The following UBE2R2 variants were observed in gnomAD, a reference collection of about 807,000 sequenced individuals.
UBE2R2 encodes the protein ubiquitin-conjugating enzyme E2 R2.
In UBE2R2, 1 loss-of-function variant was observed where a neutral mutation model predicts 27.8. The observed-to-expected ratio is 0.04, with a 90% CI of 0.01 to 0.17. The LOEUF is 0.17. Ranked by LOEUF, UBE2R2 falls within the 10% of genes least tolerant of loss-of-function variation. The pLI is 1.00. For missense variants in UBE2R2, 100 were observed against 291.0 expected, an observed-to-expected ratio of 0.34 and a Z score of 4.78; for synonymous variants, 106 against 113.3, an observed-to-expected ratio of 0.94 and a Z score of 0.41.
intron 1 of UBE2R2, among the ~76,000 whole-genome samples, chr9:33,884,694 T>C (rs1333453093): frequency 6.6e-6 from 1 of 152,198 alleles, no homozygotes; most frequent in Non-Finnish European, 1.5e-5. Flanking sequence ...TTGAAATGTT[T>C]AAAGGTTTAA....
intron 1 of UBE2R2, among the ~76,000 whole-genome samples, chr9:33,862,206 T>C (rs1374312673): frequency 6.6e-6 from 1 of 152,170 alleles, no homozygotes; most frequent in Non-Finnish European, 1.5e-5. Flanking sequence ...TCATTTGGTA[T>C]GATAAACAAC....
At chr9:33,843,629 C>T (rs1820778710) in intron 1 of UBE2R2, among the ~76,000 whole-genome samples, 1 of 151,922 alleles carries the variant, frequency 6.6e-6, no homozygotes, top group African/African-American at 2.4e-5. Context: ...TAGGCTCGCG[C>T]CACCACACCT....
At chr9:33,882,551 G>C (rs897214563) in intron 1 of UBE2R2, among the ~76,000 whole-genome samples, 4 of 152,210 alleles carry the variant, frequency 2.6e-5, no homozygotes, top group African/African-American at 9.7e-5. Flanking sequence ...CAAAAGTGCT[G>C]AGATTACAGG....
At chr9:33,897,701 C>CA (rs1292210618) in intron 2 of UBE2R2, among the ~76,000 whole-genome samples, 1 of 151,864 alleles carries the variant, frequency 6.6e-6, no homozygotes, top group African/African-American at 2.4e-5. Flanking sequence ...TCCTCAACAA[C>CA]AAAGCCTTTT....
Position 33,817,650 on chromosome 9 carries a change from G to A in UBE2R2, c.-108G>A. 2 of 1,135,720 alleles carry A rather than the reference G, an allele frequency of 1.8e-6. No individual in the cohort carries two copies. Among genetic ancestry groups the A allele is most frequent in the Non-Finnish European group, 2.2e-6 (2 of 928,410 alleles). The allele number at this position is 1,135,720 out of a possible 1,614,324, so 70.4% of individuals were successfully genotyped here. On this transcript the variant is annotated 5_prime_UTR_variant, in exon 1 of 5. Coordinates refer to ENST00000263228, the MANE Select transcript of UBE2R2 (RefSeq NM_017811.4). ...GCCGGGTGTGTGAAGACCGGGGCCC[G>A]GTGCTGCCCGGCCGGAGGGCGAGCG...
At chr9:33,913,556 C>T (rs953329708) in intron 4 of UBE2R2, among the ~76,000 whole-genome samples, 1 of 152,166 alleles carries the variant, frequency 6.6e-6, no homozygotes, top group Non-Finnish European at 1.5e-5. Context: ...GCCACCGTGC[C>T]TGGCCTCCAC....
At chr9:33,842,877 C>G (rs1265037054) in intron 1 of UBE2R2, among the ~76,000 whole-genome samples, 2 of 151,786 alleles carry the variant, frequency 1.3e-5, no homozygotes, top group African/African-American at 4.8e-5. Flanking sequence ...AATTTGAGCT[C>G]AGGAAATATA....
intron 1 of UBE2R2, among the ~76,000 whole-genome samples, chr9:33,846,123 CA>C (rs35915082): frequency 3.8e-4 from 51 of 135,272 alleles, no homozygotes; most frequent in East Asian, 6.4e-4. Context: ...GACTCCGTCT[CA>C]AAAAAAAAAA....
At chr9:33,860,738 A>C (rs907421645) in intron 1 of UBE2R2, among the ~76,000 whole-genome samples, 10 of 152,134 alleles carry the variant, frequency 6.6e-5, no homozygotes, top group South Asian at 4.2e-4. Flanking sequence ...CCATCTCTAC[A>C]AAAAAATTAA....
At chr9:33,857,596 G>A (rs2248085) in intron 1 of UBE2R2, among the ~76,000 whole-genome samples, 1 of 152,120 alleles carries the variant, frequency 6.6e-6, no homozygotes, top group Non-Finnish European at 1.5e-5. Flanking sequence ...GATTACAGGC[G>A]TGAGCCACCG....
chr9:33,897,122 C>T (rs1259359338), intron 2 of UBE2R2, among the ~76,000 whole-genome samples: 1 of 145,932 alleles, frequency 6.9e-6, no homozygotes, highest in Non-Finnish European at 1.5e-5. Context: ...CTGCAAGCTC[C>T]GCCTCCTGGG....
intron 1 of UBE2R2, among the ~76,000 whole-genome samples, chr9:33,843,311 A>T (rs1820771115): frequency 6.6e-6 from 1 of 151,584 alleles, no homozygotes; most frequent in Admixed American, 6.6e-5. Context: ...GGGCTTGCAA[A>T]GTGCTGGGAT....
intron 2 of UBE2R2, among the ~76,000 whole-genome samples, chr9:33,897,591 T>C (rs1822144087): frequency 6.6e-6 from 1 of 151,906 alleles, no homozygotes; most frequent in African/African-American, 2.4e-5. Flanking sequence ...GTGCTGGGAT[T>C]ACAGGCGTGA....
At chr9:33,842,355 G>A (rs1211902711) in intron 1 of UBE2R2, among the ~76,000 whole-genome samples, 2 of 152,160 alleles carry the variant, frequency 1.3e-5, no homozygotes, top group Non-Finnish European at 2.9e-5. Flanking sequence ...GAGCCTTATG[G>A]CACTGCACTC....
intron 1 of UBE2R2, among the ~76,000 whole-genome samples, chr9:33,867,761 A>T (rs1389516844): frequency 6.6e-6 from 1 of 152,210 alleles, no homozygotes; most frequent in Non-Finnish European, 1.5e-5. Flanking sequence ...CAGCCTCCTG[A>T]ATCCAAAATT....
intron 3 of UBE2R2, among the ~76,000 whole-genome samples, chr9:33,906,088 G>A (rs1255242790): frequency 6.7e-6 from 1 of 150,340 alleles, no homozygotes; most frequent in Non-Finnish European, 1.5e-5. Context: ...TTTTGTTGTT[G>A]TTGTTGTCGT....
At chr9:33,853,288 CT>C (rs71506143) in intron 1 of UBE2R2, among the ~76,000 whole-genome samples, 71 of 115,338 alleles carry the variant, frequency 6.2e-4, no homozygotes, top group Middle Eastern at 4.7e-3. Flanking sequence ...TTTTCTCTCT[CT>C]TTTTTTTTTT....
At chr9:33,899,285 C>T (rs142981227) in intron 2 of UBE2R2, among the ~76,000 whole-genome samples, 11,987 of 152,104 alleles carry the variant, frequency 0.079, 680 homozygotes, top group Non-Finnish European at 0.12. Flanking sequence ...CTGCAACCTC[C>T]GCCTCCCGGG....
chr9:33,866,112 G>A (rs922329979), intron 1 of UBE2R2, among the ~76,000 whole-genome samples: 5 of 151,984 alleles, frequency 3.3e-5, no homozygotes, highest in Non-Finnish European at 2.9e-5. Flanking sequence ...GATTACAGGC[G>A]TGAGTCACTG....
Sources: gnomAD v4.1 joint callset for allele counts (sites outside exome capture counted in the v4.1 genomes callset) on GRCh38, gnomAD v4.1.1 for gene constraint, MANE v1.5 for transcripts, NCBI Gene and HGNC (gene_info 2026-07-23, HGNC 2026-07-21) for gene names.